The following ELOVL5 variants were observed in gnomAD, a reference collection of about 807,000 sequenced individuals.
ELOVL5 encodes the protein very long chain fatty acid elongase 5.
A neutral mutation model predicts 38.6 loss-of-function variants in ELOVL5; 8 were observed. That is an observed-to-expected ratio of 0.21 (90% CI 0.12 to 0.37). The LOEUF is 0.37. ELOVL5 is among the 10% of genes least tolerant of loss of function. The pLI, the probability that ELOVL5 is intolerant of heterozygous loss-of-function variation, is 1.00. For missense variants in ELOVL5, 280 were observed against 367.8 expected (o/e 0.76, Z 1.95); for synonymous variants, 127 against 133.7 (o/e 0.95, Z 0.34).
chr6:53,305,054 GC>G (rs1417554683), intron 1 of ELOVL5, among the ~76,000 whole-genome samples: 1 of 149,380 alleles, frequency 6.7e-6, no homozygotes, highest in Non-Finnish European at 1.5e-5. Flanking sequence ...CGGGCGGGGG[GC>G]TGACCCCCCC....
rs1385281326 is a variant in ELOVL5, at chr6:53,267,470, A to G, written c.*1657T>C. 1 of 152,596 alleles carries G rather than the reference A, an allele frequency of 6.6e-6. No homozygotes were observed. The highest frequency in any genetic ancestry group is 2.4e-5 in the African/African-American group (1 of 41,460). The allele number at this position is 152,596 out of a possible 1,614,324, so 9.5% of individuals were successfully genotyped here. ...AATGTAGGTATATCCAGGTGAGCTA[A>G]GCACACTTTGACAGCACACTATTGA... On this transcript the variant is annotated 3_prime_UTR_variant, in exon 8 of 8. Transcript: ENST00000304434.
chr6:53,269,384 A>G (rs1214088152), intron 7 of ELOVL5, 114 bp from the exon 8 acceptor site: 1 of 732,696 alleles, frequency 1.4e-6, no homozygotes, highest in Non-Finnish European at 2.0e-6. Context: ...AATCTTATCA[A>G]GGAGAAACTC....
chr6:53,335,699 C>CT (rs1431223942), intron 1 of ELOVL5, among the ~76,000 whole-genome samples: 3 of 152,178 alleles, frequency 2.0e-5, no homozygotes, highest in African/African-American at 7.2e-5. Flanking sequence ...TGCCCAAACT[C>CT]TATAAACAGT....
intron 1 of ELOVL5, among the ~76,000 whole-genome samples, chr6:53,298,137 C>T (rs920876337): frequency 6.6e-6 from 1 of 152,166 alleles, no homozygotes; most frequent in African/African-American, 2.4e-5. Context: ...TGAAATCACA[C>T]TAACACAATT....
intron 1 of ELOVL5, among the ~76,000 whole-genome samples, chr6:53,302,440 G>A (rs923906835): frequency 1.3e-5 from 2 of 152,168 alleles, no homozygotes; most frequent in African/African-American, 2.4e-5. Flanking sequence ...TGGCAACAAC[G>A]GAAGGAGGTG....
chr6:53,348,421 C>G (rs1023718399), intron 1 of ELOVL5, among the ~76,000 whole-genome samples: 6 of 152,164 alleles, frequency 3.9e-5, no homozygotes, highest in African/African-American at 7.2e-5. Context: ...GCCGCGCGCT[C>G]CGGCCCGCAG....
At chr6:53,345,050 C>A (rs1237673187) in intron 1 of ELOVL5, among the ~76,000 whole-genome samples, 1 of 152,170 alleles carries the variant, frequency 6.6e-6, no homozygotes, top group Non-Finnish European at 1.5e-5. Flanking sequence ...AACTTCACTT[C>A]CCTGGTTCTG....
chr6:53,281,386 G>C (rs57630509), intron 3 of ELOVL5, among the ~76,000 whole-genome samples: 1 of 152,248 alleles, frequency 6.6e-6, no homozygotes, highest in African/African-American at 2.4e-5. Context: ...GTACAAGCTC[G>C]TATTTTTAAT....
chr6:53,348,811 C>G lies in ELOVL5; in HGVS notation c.-9+6G>C, dbSNP rs888778865. 2 of 455,602 alleles carry G rather than the reference C, an allele frequency of 4.4e-6. No homozygotes were observed. Among genetic ancestry groups the G allele is most frequent in the African/African-American group, 4.0e-5 (2 of 49,884 alleles). 28.2% of individuals were successfully genotyped at this position (455,602 alleles called of 1,614,324 possible). The stretch of plus-strand genomic sequence containing the variant: ...CGACGAAGTTTCCCGGAGCTGACGG[C>G]TTTACCTTTTAGCCCAAGGGGCGGC... On this transcript the variant is annotated splice_donor_region_variant and intron_variant, in intron 1 of 7. Transcript: ENST00000304434.
chr6:53,329,175 ATAAC>A (rs558547152), intron 1 of ELOVL5, among the ~76,000 whole-genome samples: 13 of 142,812 alleles, frequency 9.1e-5, no homozygotes, highest in African/African-American at 2.5e-4. Context: ...TATATAAAGT[ATAAC>A]TAACTACTAC....
intron 1 of ELOVL5, among the ~76,000 whole-genome samples, chr6:53,340,893 C>G (rs9395859): frequency 0.34 from 52,317 of 152,002 alleles, 9,675 homozygotes; most frequent in African/African-American, 0.49. Flanking sequence ...GATAGAGGCT[C>G]CCTAAAGAAT....
intron 1 of ELOVL5, among the ~76,000 whole-genome samples, chr6:53,296,031 G>A (rs1766986047): frequency 6.6e-6 from 1 of 152,248 alleles, no homozygotes; most frequent in African/African-American, 2.4e-5. Context: ...GGAATGAGAG[G>A]TGGCAGACAG....
intron 1 of ELOVL5, among the ~76,000 whole-genome samples, chr6:53,328,838 T>C (rs1181441308): frequency 6.6e-6 from 1 of 152,260 alleles, no homozygotes; most frequent in Non-Finnish European, 1.5e-5. Flanking sequence ...TTACTCCTTG[T>C]TGTTTTGGGT....
At chr6:53,271,747 A>T (rs550858917) in intron 6 of ELOVL5, among the ~76,000 whole-genome samples, 1 of 152,176 alleles carries the variant, frequency 6.6e-6, no homozygotes, top group Admixed American at 6.5e-5. Context: ...GCCATGACCC[A>T]CTGTGCCTGG....
Position 53,269,186 on chromosome 6 carries a change from T to A in ELOVL5, c.841A>T (p.Thr281Ser), listed in dbSNP as rs1348781882. Residue 281 changes from threonine to serine, a missense_variant, in exon 8 of 8, where the codon ACC becomes TCC. Thr to Ser is a moderately conservative substitution (Grantham distance 58). Transcript: ENST00000304434. ...TTTTCCAGGGGTGAAAAGCTGTTGG[T>A]GTGTCCATTCACAGCAGCCATGGAC... Reference protein sequence around the residue: ...NGSMAAVNGHTNSFSPLENNV... With the variant: ...NGSMAAVNGHSNSFSPLENNV... 5.6e-6 allele frequency: 9 copies of A among 1,613,982 alleles called. No homozygotes were observed. In the Admixed American group the frequency reaches 1.5e-4, roughly 27 times the overall value.
chr6:53,285,854 C>T (rs555126945), intron 3 of ELOVL5, among the ~76,000 whole-genome samples: 53 of 152,328 alleles, frequency 3.5e-4, no homozygotes, highest in Non-Finnish European at 6.3e-4. Flanking sequence ...AATTCTCCCA[C>T]CTCGGCCTCT....
chr6:53,304,920 C>T lies in ELOVL5; in HGVS notation c.-8-9213G>A, dbSNP rs1465827663. On this transcript the variant is annotated intron_variant, in intron 1 of 7. Coordinates refer to ENST00000304434, the MANE Select transcript of ELOVL5 (RefSeq NM_021814.5). The stretch of plus-strand genomic sequence containing the variant: ...CAAAACCACCATTGTCATCATGGCC[C>T]GTTCTCAATGAGCTGTTGGGTACAC... Among the ~76,000 whole-genome samples the T allele has an allele frequency of 8.5e-5, 13 of 152,302 alleles. No homozygotes were observed. In the Middle Eastern group the frequency reaches 0.01, roughly 120 times the overall value.
intron 1 of ELOVL5, among the ~76,000 whole-genome samples, chr6:53,314,689 C>A (rs1200898599): frequency 1.3e-5 from 2 of 151,692 alleles, no homozygotes; most frequent in Admixed American, 6.6e-5. Context: ...AAATTGATGT[C>A]TTATGTCATA....
intron 3 of ELOVL5, among the ~76,000 whole-genome samples, chr6:53,285,115 G>A (rs9296705): frequency 0.36 from 55,201 of 152,026 alleles, 11,142 homozygotes; most frequent in African/African-American, 0.55. Context: ...ATTAAGCTTA[G>A]TGAGGAAGGC....
Sources: gnomAD v4.1 joint callset for allele counts (sites outside exome capture counted in the v4.1 genomes callset) on GRCh38, gnomAD v4.1.1 for gene constraint, MANE v1.5 for transcripts, NCBI Gene and HGNC (gene_info 2026-07-23, HGNC 2026-07-21) for gene names.